BRINP2: variants seen among roughly 807,000 people sequenced by gnomAD.
The protein encoded by BRINP2 is BMP/retinoic acid inducible neural specific 2.
A neutral mutation model predicts 69.2 loss-of-function variants in BRINP2; 21 were observed. The ratio of observed to expected loss-of-function variants is 0.30; its 90% CI spans 0.22 to 0.44. The LOEUF (loss-of-function observed/expected upper bound fraction) is 0.44, where lower values mean the gene tolerates loss of function less well. BRINP2 is among the 20% of genes least tolerant of loss of function. BRINP2 has a pLI of 1.00. For synonymous variants in BRINP2, 380 were observed against 394.1 expected, an observed-to-expected ratio of 0.96 and a Z score of 0.42; for missense variants, 877 against 986.0, an observed-to-expected ratio of 0.89 and a Z score of 1.48.
intron 2 of BRINP2, among the ~76,000 whole-genome samples, chr1:177,240,957 GTGCT>G (rs1221146574): frequency 2.0e-4 from 30 of 152,174 alleles, no homozygotes; most frequent in African/African-American, 6.7e-4. Flanking sequence ...CAGCCATGAG[GTGCT>G]CACTGGAGCC....
chr1:177,268,800 A>G (rs1651210649), intron 4 of BRINP2, among the ~76,000 whole-genome samples: 1 of 152,170 alleles, frequency 6.6e-6, no homozygotes, highest in Non-Finnish European at 1.5e-5. Flanking sequence ...AAGATTTTTC[A>G]TAAAATACTT....
intron 1 of BRINP2, among the ~76,000 whole-genome samples, chr1:177,186,653 T>C (rs1648433993): frequency 6.6e-6 from 1 of 152,110 alleles, no homozygotes. Context: ...TTCCAGATCC[T>C]GGATCTCTTC....
intron 6 of BRINP2, among the ~76,000 whole-genome samples, chr1:177,277,028 TA>T (rs1433696032): frequency 1.3e-5 from 2 of 152,210 alleles, no homozygotes; most frequent in Non-Finnish European, 2.9e-5. Flanking sequence ...TGAGATCATG[TA>T]GATGCTCAAT....
intron 2 of BRINP2, among the ~76,000 whole-genome samples, chr1:177,232,392 T>A (rs1649885761): frequency 6.6e-6 from 1 of 152,214 alleles, no homozygotes; most frequent in African/African-American, 2.4e-5. Flanking sequence ...TCTTACACTG[T>A]GCCATTCTGT....
intron 2 of BRINP2, among the ~76,000 whole-genome samples, chr1:177,250,476 G>A (rs1401368137): frequency 6.6e-6 from 1 of 152,136 alleles, no homozygotes; most frequent in Non-Finnish European, 1.5e-5. Flanking sequence ...ACAGGCACCT[G>A]CCATTGCGCC....
intron 1 of BRINP2, among the ~76,000 whole-genome samples, chr1:177,192,625 CT>C (rs1269288192): frequency 6.6e-6 from 1 of 152,142 alleles, no homozygotes; most frequent in Non-Finnish European, 1.5e-5. Context: ...TGAGTTTCAA[CT>C]TTTATTACTA....
At chr1:177,187,346 C>A (rs1239460530) in intron 1 of BRINP2, among the ~76,000 whole-genome samples, 2 of 152,184 alleles carry the variant, frequency 1.3e-5, no homozygotes, top group East Asian at 3.8e-4. Flanking sequence ...TGGTCTTGGT[C>A]CTTGGTCTTC....
intron 1 of BRINP2, among the ~76,000 whole-genome samples, 184 bp downstream of exon 1, chr1:177,171,916 G>A (rs1355412240): frequency 6.6e-6 from 1 of 152,250 alleles, no homozygotes; most frequent in South Asian, 2.1e-4. Context: ...ATGGACTTTG[G>A]GGTTGAGCTA....
In BRINP2 at chr1:177,217,474, A is replaced by AT. The variant is rs536967585; in HGVS notation, c.-76-12318dup. ...AACATTTTTAAGAGGATTATTCTGA[A>AT]TTTTTTTTTCTGTCCTTTTATCGAT... is the stretch of plus-strand genomic sequence containing the variant. On this transcript the variant is annotated intron_variant, in intron 1 of 7. Transcript: ENST00000361539. 4.0e-5 allele frequency among the ~76,000 whole-genome samples: 6 copies of AT among 151,382 alleles called. No individual in the cohort carries two copies. In the South Asian group the frequency reaches 6.3e-4, roughly 16 times the overall value.
intron 2 of BRINP2, among the ~76,000 whole-genome samples, chr1:177,245,645 A>G (rs1370446754): frequency 6.6e-6 from 1 of 152,164 alleles, no homozygotes. Flanking sequence ...GCAGTTTGGG[A>G]TGTCAGGAAA....
At chr1:177,172,708 T>C (rs1302290526) in intron 1 of BRINP2, among the ~76,000 whole-genome samples, 2 of 152,192 alleles carry the variant, frequency 1.3e-5, no homozygotes, top group Non-Finnish European at 2.9e-5. Flanking sequence ...TGCACTGTAA[T>C]GTGATTGAAC....
chr1:177,213,698 T>C (rs376278073), intron 1 of BRINP2, among the ~76,000 whole-genome samples: 1 of 152,192 alleles, frequency 6.6e-6, no homozygotes. Flanking sequence ...CATGGTCTTC[T>C]TGATGTGACT....
At chr1:177,261,919 C>T (rs1030977438) in intron 4 of BRINP2, among the ~76,000 whole-genome samples, 2 of 152,142 alleles carry the variant, frequency 1.3e-5, no homozygotes, top group Non-Finnish European at 2.9e-5. Context: ...AAGTAACTGG[C>T]AACTGTGGCT....
In BRINP2 at chr1:177,273,492, C is replaced by T. The variant is rs754482051; in HGVS notation, c.674C>T (p.Thr225Ile). The T allele has an allele frequency of 6.2e-7, 1 of 1,609,108 alleles. No homozygotes were observed. The highest frequency in any genetic ancestry group is 2.2e-5 in the East Asian group (1 of 44,668). The change falls in exon 5 of 8, where the codon ACC becomes ATC. Residue 225 changes from threonine to isoleucine, a missense_variant. This residue lies in a region of BRINP2 where 566 missense variants were observed against 625.2 expected (regional missense o/e 0.91). Transcript: ENST00000361539. ...IQIATGAIKV[T>I]ETRTGPLGCS... ...CCCTACTCCTTCCTTCTCTAGGTCA[C>T]CGAGACCAGGACCGGTCCTCTGGGC...
chr1:177,172,543 A>T (rs1647968696), intron 1 of BRINP2, among the ~76,000 whole-genome samples: 1 of 152,156 alleles, frequency 6.6e-6, no homozygotes, highest in South Asian at 2.1e-4. Context: ...CAAATCACGG[A>T]TGCCTGGAGT....
chr1:177,248,765 G>C (rs1287890272), intron 2 of BRINP2, among the ~76,000 whole-genome samples: 3 of 152,206 alleles, frequency 2.0e-5, no homozygotes, highest in African/African-American at 7.2e-5. Context: ...GTAACATAGT[G>C]CTGCAGGTGG....
At chr1:177,212,284 G>A (rs1390718998) in intron 1 of BRINP2, among the ~76,000 whole-genome samples, 3 of 152,238 alleles carry the variant, frequency 2.0e-5, no homozygotes, top group East Asian at 1.9e-4. Context: ...GGTGGCTCAC[G>A]CCTGTAATCC....
chr1:177,239,981 A>C (rs1020976928), intron 2 of BRINP2, among the ~76,000 whole-genome samples: 2 of 152,158 alleles, frequency 1.3e-5, no homozygotes, highest in Admixed American at 1.3e-4. Context: ...AGAGCAAACA[A>C]GCTCTGGATG....
chr1:177,269,150 A>G (rs898900592), intron 4 of BRINP2, among the ~76,000 whole-genome samples: 2 of 152,168 alleles, frequency 1.3e-5, no homozygotes, highest in African/African-American at 4.8e-5. Flanking sequence ...GGGAGAGTAT[A>G]CCTGAGGAGG....
Sources: allele counts gnomAD v4.1 joint callset (sites outside exome capture counted in the v4.1 genomes callset), GRCh38; gene constraint gnomAD v4.1.1; regional missense constraint gnomAD v4.1.1; transcripts MANE v1.5; gene names NCBI Gene and HGNC (gene_info 2026-07-23, HGNC 2026-07-21).